The following PKD1 variants were observed in gnomAD, a reference collection of about 807,000 sequenced individuals.
The protein encoded by PKD1 is polycystin-1.
In PKD1, 81 loss-of-function variants were observed where a neutral mutation model predicts 361.7. That is an observed-to-expected ratio of 0.22 (90% CI 0.19 to 0.27). The LOEUF is 0.27. Ranked by LOEUF, PKD1 falls within the 10% of genes least tolerant of loss-of-function variation. PKD1 has a pLI of 1.00. For missense variants in PKD1, 6,399 were observed against 6,118.3 expected (o/e 1.05, Z -1.53); for synonymous variants, 3,615 against 2,818.3 (o/e 1.28, Z -8.95).
chr16:2,108,018 C>G lies in PKD1; in HGVS notation c.6930G>C (p.Gly2310=), dbSNP rs1313232002. The change falls in exon 16 of 46, where the codon GGG becomes GGC. Residue 2310 remains glycine (G), a synonymous_variant. Coordinates refer to ENST00000262304, the MANE Select transcript of PKD1 (RefSeq NM_001009944.3). ...CVASTQREAG[G]CALNFGPRGS... The stretch of plus-strand genomic sequence containing the variant: ...CGCGGGGCCCAAAGTTCAGCGCACA[C>G]CCGCCAGCCTCCCTCTGCAGGCCGA... 3.2e-6 allele frequency: 5 copies of G among 1,552,062 alleles called. No individual in the cohort carries two copies. The South Asian group carries it at 3.5e-5, about 11-fold the overall frequency.
intron 1 of PKD1, chr16:2,131,720 G>T (rs1190633366): frequency 6.6e-6 from 1 of 152,060 alleles, no homozygotes; most frequent in East Asian, 1.9e-4. Flanking sequence ...CTACTCAGGA[G>T]GCTGAGGCAG....
chr16:2,100,049 G>C lies in PKD1; in HGVS notation c.9735C>G (p.Phe3245Leu). Residue 3245 changes from phenylalanine to leucine, a missense_variant, in exon 29 of 46, where the codon TTC becomes TTG. Phe to Leu is a conservative substitution (Grantham distance 22). Transcript: ENST00000262304. The surrounding 1 kb of genome is among the most constrained non-coding windows in gnomAD (Gnocchi z 4.4). ...LAASDAALLR[F>L]RRLLVAELQR... ...GCAGCTCAGCCACCAGCAGGCGCCGGAAGCGCAAAAGGGCTGCGTCGCCTA... is the reference window on the plus strand; with the variant it reads ...GCAGCTCAGCCACCAGCAGGCGCCGCAAGCGCAAAAGGGCTGCGTCGCCTA... 2 of 1,592,314 alleles carry C rather than the reference G, an allele frequency of 1.3e-6. No homozygotes were observed. The highest frequency in any genetic ancestry group is 1.8e-5 in the Admixed American group (1 of 56,378).
Position 2,100,937 on chromosome 16 carries a change from G to T in PKD1, c.9398-371C>A, listed in dbSNP as rs548937250. ...TCAGTTCATGCACAGACTGCAAAGCGTGAAGCTGTGTCACCTCCTCTCCCA... is the reference window on the plus strand; with the variant it reads ...TCAGTTCATGCACAGACTGCAAAGCTTGAAGCTGTGTCACCTCCTCTCCCA... On this transcript the variant is annotated intron_variant, in intron 26 of 45. Coordinates refer to ENST00000262304, the MANE Select transcript of PKD1 (RefSeq NM_001009944.3). This position sits in a 1 kb window ranked among gnomAD's most constrained non-coding sequence, Gnocchi z 4.4. 6.6e-6 allele frequency among the ~76,000 whole-genome samples: 1 copy of T among 152,060 alleles called. No individual in the cohort carries two copies. Among genetic ancestry groups the T allele is most frequent in the Non-Finnish European group, 1.5e-5 (1 of 68,026 alleles).
At chr16:2,091,207 A>C in intron 42 of PKD1, 33 bp from the exon 43 acceptor site, 1 of 1,250,720 alleles carries the variant, frequency 8.0e-7, no homozygotes, top group Non-Finnish European at 1.0e-6. Flanking sequence ...GGCGGGAGGG[A>C]CGCTGCCGGG....
At chr16:2,124,614 C>T (rs1168573915) in intron 1 of PKD1, among the ~76,000 whole-genome samples, 3 of 152,240 alleles carry the variant, frequency 2.0e-5, no homozygotes, top group Non-Finnish European at 2.9e-5. Context: ...GCCTCAGAGT[C>T]TCACACTCAG....
chr16:2,128,869 A>AT (rs58863130), intron 1 of PKD1, among the ~76,000 whole-genome samples: 2,231 of 144,784 alleles, frequency 0.015, 17 homozygotes, highest in African/African-American at 0.017. Context: ...CACGCTCAGC[A>AT]TTTTTTTTTT....
Position 2,118,240 on chromosome 16 carries a change from G to C in PKD1, c.752C>G (p.Pro251Arg), listed in dbSNP as rs770512151. 12 of 1,531,332 alleles carry C rather than the reference G, an allele frequency of 7.8e-6. No individual in the cohort carries two copies. The highest frequency in any genetic ancestry group is 6.1e-6 in the Non-Finnish European group (7 of 1,142,502). The allele number at this position is 1,531,332 out of a possible 1,614,324, so 94.9% of individuals were successfully genotyped here. The change falls in exon 5 of 46, where the codon CCC becomes CGC. Residue 251 changes from proline to arginine, a missense_variant. Pro to Arg is a moderately radical substitution (Grantham distance 103, BLOSUM62 -2). Transcript: ENST00000262304. This position sits in a 1 kb window ranked among gnomAD's most constrained non-coding sequence, Gnocchi z 6.0. ...SFACLSLCSG[P>R]PPPPAPTCRG... is the part of the protein sequence containing the mutation. ...ACAGGTGGGGGCAGGAGGTGGCGGG[G>C]GGCCGGAGCAGAGGGACAGGCAGGC...
At position 2,113,308 on chromosome 16, in the gene PKD1, T is replaced by A; in HGVS notation, c.2854-16A>T. ...GGCTGTACCTCTGCGGGGGGAATGGTGTCAGCCTGGGCTCTGTGGAGGACT... is the reference window on the plus strand; with the variant it reads ...GGCTGTACCTCTGCGGGGGGAATGGAGTCAGCCTGGGCTCTGTGGAGGACT... On this transcript the variant is annotated splice_polypyrimidine_tract_variant and intron_variant, in intron 11 of 45. Transcript: ENST00000262304. 1 of 1,595,364 alleles carries A rather than the reference T, an allele frequency of 6.3e-7. No homozygotes were observed. Among genetic ancestry groups the A allele is most frequent in the Non-Finnish European group, 8.5e-7 (1 of 1,179,362 alleles).
chr16:2,100,582 G>T lies in PKD1; in HGVS notation c.9398-16C>A, dbSNP rs769989346. On this transcript the variant is annotated splice_polypyrimidine_tract_variant and intron_variant, in intron 26 of 45. Transcript: ENST00000262304. The surrounding 1 kb of genome is among the most constrained non-coding windows in gnomAD (Gnocchi z 4.4). ...GCCGTGGTACCTGGGAGGCAAGAGG[G>T]AGGGGTGGGAGGCTCGGTCTGCTGC... is the stretch of plus-strand genomic sequence containing the variant. 2 of 1,605,936 alleles carry T rather than the reference G, an allele frequency of 1.2e-6. No individual in the cohort carries two copies. Among genetic ancestry groups the T allele is most frequent in the Non-Finnish European group, 1.7e-6 (2 of 1,177,246 alleles).
chr16:2,107,856 A>G (rs1191153183), intron 16 of PKD1, 27 bp downstream of exon 16: 2 of 1,540,496 alleles, frequency 1.3e-6, no homozygotes, highest in African/African-American at 1.4e-5. Context: ...GTCCAAGGCA[A>G]GTGGCCGAGG....
At position 2,097,502 on chromosome 16, in the gene PKD1, G is replaced by C. The variant is rs1296638609; in HGVS notation, c.10222C>G (p.Leu3408Val). The change falls in exon 33 of 46, where the codon CTG (leucine) becomes GTG (valine). Residue 3408 changes from leucine (L) to valine (V), a missense_variant and splice_region_variant. Leu to Val is a conservative substitution (Grantham distance 32). Transcript: ENST00000262304. ...CCCTCGCCGGAGGGCCAGCACACCA[G>C]ACTGCAGGTGGCGCGGGTCAGCAAG... ...SDLFLDDSKS[L>V]VCWPSGEGTL... 1.9e-6 allele frequency: 3 copies of C among 1,601,604 alleles called. No homozygotes were observed. The highest frequency in any genetic ancestry group is 2.5e-6 in the Non-Finnish European group (3 of 1,179,810).
At position 2,108,698 on chromosome 16, in the gene PKD1, G is replaced by T; in HGVS notation, c.6469C>A (p.Leu2157Met). The change falls in exon 15 of 46, where the codon CTG becomes ATG. Residue 2157 changes from leucine to methionine, a missense_variant. Transcript: ENST00000262304. ...TGTGATCGCCGCATCAGCACCTGCA[G>T]GGGCAGGACCACGTCCACCTCCGGC... ...REPEVDVVLP[L>M]QVLMRRSQRN... is the part of the protein sequence containing the mutation. The T allele has an allele frequency of 6.4e-7, 1 of 1,570,384 alleles. No homozygotes were observed. Among genetic ancestry groups the T allele is most frequent in the Non-Finnish European group, 8.6e-7 (1 of 1,158,640 alleles).
Position 2,092,472 on chromosome 16 carries a change from C to A in PKD1, c.11269+8G>T. On this transcript the variant is annotated splice_region_variant and intron_variant, in intron 39 of 45. Transcript: ENST00000262304. ...ATTTAAGTCTTGGGGCACGCCCTGC[C>A]AGCTCACCTTCCTGCAGCCGCACCT... The A allele has an allele frequency of 6.3e-7, 1 of 1,575,498 alleles. No homozygotes were observed. Among genetic ancestry groups the A allele is most frequent in the South Asian group, 1.1e-5 (1 of 90,182 alleles).
chr16:2,111,748 G>A lies in PKD1; in HGVS notation c.3419C>T (p.Ala1140Val), dbSNP rs370936348. Reference protein sequence around the residue: ...AVGVSDGVLVAGRPVTFYPHP... With the variant: ...AVGVSDGVLVVGRPVTFYPHP... ...CGGGTAGAAGGTGACGGGCCGGCCG[G>A]CCACCAGGACGCCGTCACTCACACC... Residue 1140 changes from alanine (A) to valine (V), a missense_variant, in exon 15 of 46, where the codon GCC becomes GTC. By Grantham distance (64) the Ala-to-Val change is moderately conservative (BLOSUM62 0). Transcript: ENST00000262304. 1.2e-6 allele frequency: 2 copies of A among 1,601,992 alleles called. No individual in the cohort carries two copies. The highest frequency in any genetic ancestry group is 1.7e-6 in the Non-Finnish European group (2 of 1,175,866).
chr16:2,096,404 G>A (rs1218255427), intron 34 of PKD1, among the ~76,000 whole-genome samples: 9 of 152,290 alleles, frequency 5.9e-5, no homozygotes, highest in East Asian at 1.9e-4. Flanking sequence ...GGAACACGCC[G>A]TGGGTGCGCT....
chr16:2,091,340 TGAGACGCTGCCGGGGC>T, intron 42 of PKD1, 67 bp downstream of exon 42: 1 of 453,176 alleles, frequency 2.2e-6, no homozygotes, highest in African/African-American at 1.2e-4. Context: ...CTGCGAGGGG[TGAGACGCTGCCGGGGC>T]GGGGCCCCGC....
chr16:2,106,987 T>G lies in PKD1; in HGVS notation c.7066-39A>C, dbSNP rs1376556437. ...GGGGTTACCTCCAACACAGGTCTAT[T>G]TGGCCTGCTGGAAGGACTGGGGGAC... On this transcript the variant is annotated intron_variant, in intron 16 of 45. Transcript: ENST00000262304. This position sits in a 1 kb window ranked among gnomAD's most constrained non-coding sequence, Gnocchi z 6.5. The G allele has an allele frequency of 6.4e-7, 1 of 1,574,778 alleles. No individual in the cohort carries two copies. The highest frequency in any genetic ancestry group is 8.6e-7 in the Non-Finnish European group (1 of 1,162,136).
At position 2,089,922 on chromosome 16, in the gene PKD1, C is replaced by T. The variant is rs1450813766; in HGVS notation, c.12717G>A (p.Leu4239=). ...LNQATEDVYQ[L]EQQLHSLQGR... ...CTTGCAGGCTGTGCAGCTGCTGCTCCAGCTGGTAGACGTCCTCTGTGGCCT... is the reference window on the plus strand; with the variant it reads ...CTTGCAGGCTGTGCAGCTGCTGCTCTAGCTGGTAGACGTCCTCTGTGGCCT... The change falls in exon 46 of 46, where the codon CTG becomes CTA. Residue 4239 remains leucine, a synonymous_variant. Coordinates refer to ENST00000262304, the MANE Select transcript of PKD1 (RefSeq NM_001009944.3). The T allele has an allele frequency of 1.2e-6, 2 of 1,612,074 alleles. No individual in the cohort carries two copies. The highest frequency in any genetic ancestry group is 1.7e-5 in the Admixed American group (1 of 59,940).
intron 1 of PKD1, among the ~76,000 whole-genome samples, chr16:2,132,593 A>G (rs866562602): frequency 2.5e-4 from 28 of 112,284 alleles, no homozygotes; most frequent in African/African-American, 8.2e-4. Context: ...AAAAAAAAAG[A>G]AAAAAAAAAA....
Sources: gnomAD v4.1 joint callset for allele counts (sites outside exome capture counted in the v4.1 genomes callset) on GRCh38, gnomAD v4.1.1 for gene constraint, Gnocchi (gnomAD v3.1) non-coding constraint, MANE v1.5 for transcripts, NCBI Gene and HGNC (gene_info 2026-07-23, HGNC 2026-07-21) for gene names.